The following SORBS2 variants were observed in gnomAD, a reference collection of about 807,000 sequenced individuals.
SORBS2 encodes the protein sorbin and SH3 domain-containing protein 2.
SORBS2 carries 46 observed loss-of-function variants against 97.7 expected under a neutral mutation model. That is an observed-to-expected ratio of 0.47 (90% CI 0.37 to 0.60). SORBS2 has a LOEUF of 0.60. Among genes scored for constraint, SORBS2 ranks in the 20% least tolerant of loss-of-function variants. The probability of loss-of-function intolerance (pLI) is 0.00; values close to 1 mark genes in which losing one functional copy is unlikely to be tolerated. For synonymous variants in SORBS2, 476 were observed against 473.4 expected (o/e 1.01, Z -0.07); for missense variants, 1,316 against 1,282.3 (o/e 1.03, Z -0.40).
At chr4:185,699,284 CT>C (rs11435144) in intron 2 of SORBS2, among the ~76,000 whole-genome samples, 13,733 of 112,160 alleles carry the variant, frequency 0.12, 388 homozygotes, top group Middle Eastern at 0.22. Context: ...TGAAATGTAC[CT>C]TTTTTTTTTT....
chr4:185,646,346 T>C (rs2097206805), intron 4 of SORBS2: 1 of 184,722 alleles, frequency 5.4e-6, no homozygotes, highest in African/African-American at 2.3e-5. Context: ...GAATCTTGCA[T>C]ATAAATATAT....
At chr4:185,664,056 A>G (rs371513439) in intron 4 of SORBS2, among the ~76,000 whole-genome samples, 6 of 151,140 alleles carry the variant, frequency 4.0e-5, no homozygotes, top group Non-Finnish European at 7.4e-5. Flanking sequence ...GGGTTTCACC[A>G]TGTTAGCCAG....
At chr4:185,819,660 T>G (rs2099195492) in intron 1 of SORBS2, among the ~76,000 whole-genome samples, 1 of 152,170 alleles carries the variant, frequency 6.6e-6, no homozygotes, top group Admixed American at 6.5e-5. Flanking sequence ...TGAGCCTTTA[T>G]TCCTGGCTGG....
At chr4:185,851,368 T>C (rs1199721498) in intron 1 of SORBS2, among the ~76,000 whole-genome samples, 1 of 152,180 alleles carries the variant, frequency 6.6e-6, no homozygotes, top group Non-Finnish European at 1.5e-5. Context: ...CATATTCTTT[T>C]ACGTTCCTTT....
intron 1 of SORBS2, among the ~76,000 whole-genome samples, chr4:185,793,550 T>C (rs1161637129): frequency 6.6e-6 from 1 of 152,246 alleles, no homozygotes; most frequent in African/African-American, 2.4e-5. Context: ...GATTGTATAT[T>C]AAGAAGATTT....
chr4:185,708,059 G>T (rs2098372137), intron 2 of SORBS2, among the ~76,000 whole-genome samples: 1 of 152,136 alleles, frequency 6.6e-6, no homozygotes, highest in Admixed American at 6.5e-5. Flanking sequence ...AAGGAGCCCA[G>T]GCTTCTCCTA....
chr4:185,887,950 GTATA>G (rs72311903), intron 1 of SORBS2, among the ~76,000 whole-genome samples: 2 of 129,262 alleles, frequency 1.5e-5, no homozygotes, highest in Non-Finnish European at 3.4e-5. Flanking sequence ...TTCTCACATA[GTATA>G]TATATATGTG....
intron 2 of SORBS2, among the ~76,000 whole-genome samples, chr4:185,731,487 TGC>T (rs2098626245): frequency 1.1e-5 from 1 of 91,520 alleles, no homozygotes; most frequent in Non-Finnish European, 2.1e-5. Flanking sequence ...CCTCCCTCCC[TGC>T]CTGTCTCTCT....
chr4:185,752,470 G>A (rs545931163), intron 2 of SORBS2, among the ~76,000 whole-genome samples: 1 of 152,204 alleles, frequency 6.6e-6, no homozygotes, highest in East Asian at 1.9e-4. Context: ...TAGATATGGG[G>A]TTTCACCGTG....
intron 4 of SORBS2, among the ~76,000 whole-genome samples, chr4:185,676,842 G>A (rs2097794113): frequency 6.6e-6 from 1 of 152,192 alleles, no homozygotes; most frequent in Admixed American, 6.5e-5. Context: ...GATGAATTTA[G>A]TAGGGTTTTA....
chr4:185,669,762 G>C (rs1004758270), intron 4 of SORBS2, among the ~76,000 whole-genome samples: 1 of 152,176 alleles, frequency 6.6e-6, no homozygotes, highest in South Asian at 2.1e-4. Context: ...TAGGAAAAGA[G>C]AGTCTGGGTC....
intron 4 of SORBS2, among the ~76,000 whole-genome samples, chr4:185,641,991 T>G (rs1469798134): frequency 2.6e-5 from 4 of 152,222 alleles, no homozygotes; most frequent in Non-Finnish European, 5.9e-5. Context: ...GTGAGGCATG[T>G]GCTTTCTATA....
chr4:185,675,571 G>A (rs551413940), intron 4 of SORBS2, among the ~76,000 whole-genome samples: 2 of 152,198 alleles, frequency 1.3e-5, no homozygotes, highest in African/African-American at 4.8e-5. Flanking sequence ...TGACCCTGGG[G>A]GAGCAACTTA....
intron 2 of SORBS2, among the ~76,000 whole-genome samples, chr4:185,680,012 G>A (rs1312693704): frequency 3.3e-5 from 5 of 152,152 alleles, no homozygotes; most frequent in African/African-American, 7.2e-5. Context: ...GAAGACTAAT[G>A]AATTCCCATT....
At chr4:185,909,819 A>G (rs1302625477) in intron 1 of SORBS2, among the ~76,000 whole-genome samples, 1 of 152,014 alleles carries the variant, frequency 6.6e-6, no homozygotes, top group Non-Finnish European at 1.5e-5. Context: ...GAGAAATATT[A>G]TTCAAAGAGA....
chr4:185,672,486 A>G (rs905943494), intron 4 of SORBS2, among the ~76,000 whole-genome samples: 7 of 152,236 alleles, frequency 4.6e-5, no homozygotes, highest in African/African-American at 1.7e-4. Context: ...ACAATGTGAC[A>G]TTTTTAGCAA....
At chr4:185,819,766 C>T (rs906271235) in intron 1 of SORBS2, among the ~76,000 whole-genome samples, 9 of 152,184 alleles carry the variant, frequency 5.9e-5, no homozygotes, top group Non-Finnish European at 8.8e-5. Flanking sequence ...CCTATCCAGC[C>T]ACTGTGCTTA....
intron 2 of SORBS2, among the ~76,000 whole-genome samples, chr4:185,704,643 A>C (rs1277998236): frequency 6.6e-6 from 1 of 151,532 alleles, no homozygotes; most frequent in Non-Finnish European, 1.5e-5. Flanking sequence ...TCAATTCATT[A>C]ATCAAAAAGT....
At chr4:185,627,215 A>C (rs1413282326) in intron 5 of SORBS2, among the ~76,000 whole-genome samples, 196 bp from the exon 18 acceptor site, 1 of 152,086 alleles carries the variant, frequency 6.6e-6, no homozygotes, top group African/African-American at 2.4e-5. Context: ...AATAGACCTT[A>C]TTATTTATTT....
Sources: gnomAD v4.1 joint callset for allele counts (sites outside exome capture counted in the v4.1 genomes callset) on GRCh38, gnomAD v4.1.1 for gene constraint, MANE v1.5 for transcripts, NCBI Gene and HGNC (gene_info 2026-07-23, HGNC 2026-07-21) for gene names.